The following MEGF11 variants were observed in gnomAD, a reference collection of about 807,000 sequenced individuals.
The protein encoded by MEGF11 is multiple EGF like domains 11.
In MEGF11, 126 loss-of-function variants were observed where a neutral mutation model predicts 146.6. The ratio of observed to expected loss-of-function variants is 0.86; its 90% CI spans 0.74 to 1.00. The LOEUF (loss-of-function observed/expected upper bound fraction) is 1.00, where lower values mean the gene tolerates loss of function less well. MEGF11 is among the 50% of genes least tolerant of loss of function. The pLI is 0.00. For synonymous variants in MEGF11, 532 were observed against 583.4 expected, an observed-to-expected ratio of 0.91 and a Z score of 1.27; for missense variants, 1,509 against 1,521.2, an observed-to-expected ratio of 0.99 and a Z score of 0.13.
Position 66,074,040 on chromosome 15 carries a change from T to A in MEGF11, c.394+20362A>T, listed in dbSNP as rs560292310. Among the ~76,000 whole-genome samples the A allele has an allele frequency of 6.8e-4, 103 of 152,272 alleles. 2 individuals carry two copies. The highest frequency in any genetic ancestry group is 2.5e-4 in the Non-Finnish European group (17 of 68,016). On this transcript the variant is annotated intron_variant, in intron 5 of 25. Transcript: ENST00000395614. The stretch of plus-strand genomic sequence containing the variant: ...TCAAACAGATCTTAACATCCTCCAG[T>A]CTTGCTACAGATGTTTTCATTTTAG...
At position 66,043,033 on chromosome 15, in the gene MEGF11, G is replaced by A. The variant is rs180740512; in HGVS notation, c.394+51369C>T. ...GCTGTCTCAATCCTTCCGAATCAGG[G>A]ACCCAGCCAGAGATAGAAGAGAGTC... On this transcript the variant is annotated intron_variant, in intron 5 of 25. Coordinates refer to ENST00000395614, the MANE Select transcript of MEGF11 (RefSeq NM_001385028.1). Among the ~76,000 whole-genome samples, 330 of 152,286 alleles carry A rather than the reference G, an allele frequency of 2.2e-3. 3 individuals carry two copies. The highest frequency in any genetic ancestry group is 7.3e-3 in the African/African-American group (303 of 41,546).
intron 1 of MEGF11, among the ~76,000 whole-genome samples, chr15:66,206,988 A>G (rs59332335): frequency 0.089 from 13,539 of 152,240 alleles, 1,058 homozygotes; most frequent in African/African-American, 0.21. Context: ...AAACCTGAAG[A>G]TAGCTCAAGT....
At chr15:66,107,063 C>CCG (rs2087125400) in intron 4 of MEGF11, among the ~76,000 whole-genome samples, 2 of 151,470 alleles carry the variant, frequency 1.3e-5, no homozygotes, top group East Asian at 1.9e-4. Flanking sequence ...TACCCCCCCA[C>CCG]CAGGTATAGA....
intron 14 of MEGF11, 86 bp downstream of exon 14, chr15:65,922,737 T>C (rs2079217936): frequency 1.3e-6 from 2 of 1,486,806 alleles, no homozygotes; most frequent in South Asian, 1.3e-5. Context: ...GAGCCCAGCC[T>C]CTCTCAGGCC....
chr15:66,054,045 C>A (rs1373771706), intron 5 of MEGF11, among the ~76,000 whole-genome samples: 3 of 152,138 alleles, frequency 2.0e-5, no homozygotes, highest in Non-Finnish European at 4.4e-5. Flanking sequence ...TTGATCTCCA[C>A]TGGAGGCCTT....
intron 1 of MEGF11, among the ~76,000 whole-genome samples, chr15:66,211,329 T>G (rs12916877): frequency 0.84 from 126,958 of 152,012 alleles, 53,113 homozygotes; most frequent in East Asian, 0.92. Flanking sequence ...CGAGACCATC[T>G]TGGCTAACAC....
intron 6 of MEGF11, 52 bp from the exon 7 acceptor site, chr15:65,980,950 A>AG (rs1208586287): frequency 1.1e-5 from 17 of 1,497,620 alleles, no homozygotes; most frequent in Non-Finnish European, 7.1e-6. Flanking sequence ...ATCAGGTGGC[A>AG]GGGCCCCAGT....
intron 5 of MEGF11, among the ~76,000 whole-genome samples, chr15:66,025,505 G>A (rs1271305869): frequency 4.6e-5 from 7 of 152,126 alleles, no homozygotes; most frequent in Admixed American, 1.3e-4. Context: ...AGGGTAGCAC[G>A]GTGGAGTCGG....
intron 5 of MEGF11, among the ~76,000 whole-genome samples, chr15:65,986,489 T>G (rs924286428): frequency 6.6e-6 from 1 of 151,696 alleles, no homozygotes; most frequent in Non-Finnish European, 1.5e-5. Flanking sequence ...CCAGAGTGAT[T>G]AAACAAAAAA....
intron 1 of MEGF11, among the ~76,000 whole-genome samples, chr15:66,140,328 T>C (rs188240947): frequency 3.6e-4 from 55 of 152,356 alleles, no homozygotes; most frequent in Non-Finnish European, 4.4e-5. Context: ...GAAAGGTTTT[T>C]TCTGCATACC....
chr15:66,055,703 A>G (rs1032107411), intron 5 of MEGF11, among the ~76,000 whole-genome samples: 3 of 152,208 alleles, frequency 2.0e-5, no homozygotes, highest in Admixed American at 2.0e-4. Context: ...AACCAAGTAA[A>G]TGGAAGGGAC....
At chr15:65,991,257 C>T (rs1234821689) in intron 5 of MEGF11, among the ~76,000 whole-genome samples, 1 of 152,212 alleles carries the variant, frequency 6.6e-6, no homozygotes, top group Non-Finnish European at 1.5e-5. Context: ...ACCCCGAGAG[C>T]TTACCAGGGA....
chr15:66,208,266 A>C (rs915175821), intron 1 of MEGF11, among the ~76,000 whole-genome samples: 3 of 152,212 alleles, frequency 2.0e-5, no homozygotes, highest in African/African-American at 7.2e-5. Context: ...CTTCATTCAA[A>C]TTGGTAAAAT....
chr15:66,054,321 C>T (rs1345328891), intron 5 of MEGF11, among the ~76,000 whole-genome samples: 1 of 152,228 alleles, frequency 6.6e-6, no homozygotes. Context: ...TCTCTGCAGG[C>T]TCCTCCATGA....
intron 21 of MEGF11, 49 bp from the exon 22 acceptor site, chr15:65,909,855 C>G (rs1348037152): frequency 6.8e-7 from 1 of 1,478,954 alleles, no homozygotes; most frequent in Non-Finnish European, 9.1e-7. Context: ...CCCAGGTACC[C>G]CTCCCCAGTC....
rs72744470 is a variant in MEGF11 at position 66,170,946 on chromosome 15, G to A, written c.-8-42535C>T. 2.8e-3 allele frequency among the ~76,000 whole-genome samples: 419 copies of A among 152,292 alleles called. 1 individual carries two copies. Among genetic ancestry groups the A allele is most frequent in the African/African-American group, 9.8e-3 (406 of 41,574 alleles). On this transcript the variant is annotated intron_variant, in intron 1 of 25. Coordinates refer to ENST00000395614, the MANE Select transcript of MEGF11 (RefSeq NM_001385028.1). ...AGCTCAGGCTCCAAAGCCCTGCCCC[G>A]GGGGACCACCAAAGGTGGACTTGAT...
intron 5 of MEGF11, among the ~76,000 whole-genome samples, chr15:66,028,163 C>A (rs2083400329): frequency 6.6e-6 from 1 of 152,220 alleles, no homozygotes; most frequent in African/African-American, 2.4e-5. Flanking sequence ...TCAGTTGTAT[C>A]CCTGTCTGTT....
chr15:66,012,447 A>G (rs1308276180), intron 5 of MEGF11, among the ~76,000 whole-genome samples: 3 of 152,206 alleles, frequency 2.0e-5, no homozygotes, highest in African/African-American at 7.2e-5. Context: ...GCTAGAGCCA[A>G]TGGGATGTCT....
intron 24 of MEGF11, among the ~76,000 whole-genome samples, chr15:65,900,035 T>C (rs1478015429): frequency 1.3e-5 from 2 of 152,210 alleles, no homozygotes; most frequent in Non-Finnish European, 2.9e-5. Context: ...CACTGACTCC[T>C]GCAGATAGTC....
Sources: allele counts gnomAD v4.1 joint callset (sites outside exome capture counted in the v4.1 genomes callset), GRCh38; gene constraint gnomAD v4.1.1; transcripts MANE v1.5; gene names NCBI Gene and HGNC (gene_info 2026-07-23, HGNC 2026-07-21).